The following INPP4B variants were observed in gnomAD, a reference collection of about 807,000 sequenced individuals.
INPP4B encodes the protein inositol polyphosphate 4-phosphatase type II.
A neutral mutation model predicts 122.5 loss-of-function variants in INPP4B; 55 were observed. The observed-to-expected ratio is 0.45, with a 90% CI of 0.36 to 0.56. The LOEUF is 0.56. Among genes scored for constraint, INPP4B ranks in the 20% least tolerant of loss-of-function variants. INPP4B has a pLI of 0.00. For missense variants in INPP4B, 1,000 were observed against 1,097.7 expected (o/e 0.91, Z 1.26); for synonymous variants, 403 against 388.7 (o/e 1.04, Z -0.43).
chr4:142,190,714 A>AAG (rs201191334), intron 15 of INPP4B, among the ~76,000 whole-genome samples: 2,074 of 137,502 alleles, frequency 0.015, 55 homozygotes, highest in African/African-American at 0.056. Flanking sequence ...CAAGATCTGT[A>AAG]AGAGTGTGTG....
At chr4:142,451,057 C>G (rs142991974) in intron 3 of INPP4B, among the ~76,000 whole-genome samples, 53 of 150,858 alleles carry the variant, frequency 3.5e-4, no homozygotes, top group African/African-American at 1.3e-3. Context: ...AAGTGAAAAT[C>G]AAAACACGAT....
At chr4:142,254,955 A>G (rs1205715522) in intron 11 of INPP4B, among the ~76,000 whole-genome samples, 1 of 152,118 alleles carries the variant, frequency 6.6e-6, no homozygotes, top group African/African-American at 2.4e-5. Flanking sequence ...AGCCAGAGAG[A>G]AAGGTCGGGT....
intron 2 of INPP4B, among the ~76,000 whole-genome samples, chr4:142,691,301 T>C (rs1347298417): frequency 6.6e-6 from 1 of 151,854 alleles, no homozygotes; most frequent in Non-Finnish European, 1.5e-5. Context: ...TCAAAAACAG[T>C]GGGTCCAAAA....
At chr4:142,342,561 A>T (rs66459818) in intron 7 of INPP4B, among the ~76,000 whole-genome samples, 2 of 152,206 alleles carry the variant, frequency 1.3e-5, no homozygotes, top group East Asian at 3.9e-4. Context: ...TTTCAGGTAA[A>T]GAATCTTAGC....
chr4:142,551,862 A>G (rs916632960), intron 2 of INPP4B, among the ~76,000 whole-genome samples: 1 of 152,220 alleles, frequency 6.6e-6, no homozygotes, highest in Non-Finnish European at 1.5e-5. Context: ...AGCCAATTCT[A>G]TCTATTTTTG....
At chr4:142,360,020 T>A (rs1197433624) in intron 7 of INPP4B, among the ~76,000 whole-genome samples, 2 of 152,026 alleles carry the variant, frequency 1.3e-5, no homozygotes, top group East Asian at 3.9e-4. Flanking sequence ...ACTAGAATGT[T>A]ACAATATGTT....
rs943549761 is a variant in INPP4B, at chr4:142,456,970, C to T, written c.-127+5693G>A. On this transcript the variant is annotated intron_variant, in intron 3 of 25. Transcript: ENST00000262992. ...AAGACCTTGGAAGAAGAATAGTTAC[C>T]GAATAATAAGACAGAGACAATACAT... is the stretch of plus-strand genomic sequence containing the variant. Among the ~76,000 whole-genome samples the T allele has an allele frequency of 5.3e-5, 8 of 151,736 alleles. No homozygotes were observed. The East Asian group carries it at 1.2e-3, about 22-fold the overall frequency.
At chr4:142,678,351 G>T (rs988061438) in intron 2 of INPP4B, among the ~76,000 whole-genome samples, 4 of 151,840 alleles carry the variant, frequency 2.6e-5, no homozygotes, top group African/African-American at 7.3e-5. Flanking sequence ...CCGATAATAT[G>T]CAAGTAGTAA....
At chr4:142,261,314 T>C (rs935255310) in intron 10 of INPP4B, among the ~76,000 whole-genome samples, 6 of 151,990 alleles carry the variant, frequency 3.9e-5, no homozygotes, top group African/African-American at 1.5e-4. Context: ...GCCCCAGGAG[T>C]TGGACGAAAT....
At chr4:142,674,164 G>C (rs1257343333) in intron 2 of INPP4B, among the ~76,000 whole-genome samples, 1 of 152,072 alleles carries the variant, frequency 6.6e-6, no homozygotes, top group African/African-American at 2.4e-5. Flanking sequence ...GGCCTCTATT[G>C]CAATTACTTT....
intron 2 of INPP4B, among the ~76,000 whole-genome samples, chr4:142,485,620 T>C (rs713071): frequency 0.29 from 43,597 of 151,936 alleles, 6,957 homozygotes; most frequent in East Asian, 0.52. Context: ...ATAAATAGCT[T>C]CCTGTTTTGT....
chr4:142,732,268 T>C (rs1434942114), intron 1 of INPP4B, among the ~76,000 whole-genome samples: 1 of 152,166 alleles, frequency 6.6e-6, no homozygotes, highest in Non-Finnish European at 1.5e-5. Context: ...CACATGCTGA[T>C]GAACTATCCC....
intron 15 of INPP4B, among the ~76,000 whole-genome samples, chr4:142,185,412 A>C (rs1452751807): frequency 3.3e-5 from 5 of 151,500 alleles, no homozygotes; most frequent in Non-Finnish European, 4.4e-5. Context: ...ATATATATAT[A>C]TATATATCTC....
At chr4:142,611,455 A>T (rs1319576921) in intron 2 of INPP4B, among the ~76,000 whole-genome samples, 1 of 152,120 alleles carries the variant, frequency 6.6e-6, no homozygotes, top group Non-Finnish European at 1.5e-5. Context: ...AGGAAAAGTA[A>T]GTAATGGTAA....
At chr4:142,330,398 C>T (rs1175454074) in intron 7 of INPP4B, among the ~76,000 whole-genome samples, 2 of 152,154 alleles carry the variant, frequency 1.3e-5, no homozygotes, top group Non-Finnish European at 2.9e-5. Flanking sequence ...AGTTGTGAAA[C>T]ATTCTTCATC....
At chr4:142,527,486 C>T (rs932234310) in intron 2 of INPP4B, among the ~76,000 whole-genome samples, 2 of 152,000 alleles carry the variant, frequency 1.3e-5, no homozygotes, top group African/African-American at 4.8e-5. Context: ...TGATCTTGGA[C>T]TAGTGGACAG....
chr4:142,117,243 C>T (rs1245269171), intron 21 of INPP4B, among the ~76,000 whole-genome samples: 2 of 152,102 alleles, frequency 1.3e-5, no homozygotes, highest in Non-Finnish European at 1.5e-5. Context: ...CAAAGAGAAG[C>T]TGGTACCATT....
intron 1 of INPP4B, among the ~76,000 whole-genome samples, chr4:142,791,730 C>CA (rs1339382368): frequency 6.6e-6 from 1 of 152,004 alleles, no homozygotes; most frequent in Admixed American, 6.6e-5. Context: ...TTTTTGCGTT[C>CA]GTTTTCAGCT....
At chr4:142,099,011 G>T (rs1206598253) in intron 23 of INPP4B, among the ~76,000 whole-genome samples, 1 of 152,070 alleles carries the variant, frequency 6.6e-6, no homozygotes, top group African/African-American at 2.4e-5. Context: ...TGTGGTGGCT[G>T]GGAAGCCAAG....
Sources: gnomAD v4.1 joint callset for allele counts (sites outside exome capture counted in the v4.1 genomes callset) on GRCh38, gnomAD v4.1.1 for gene constraint, MANE v1.5 for transcripts, NCBI Gene and HGNC (gene_info 2026-07-23, HGNC 2026-07-21) for gene names.